The following FSTL4 variants were observed in gnomAD, a reference collection of about 807,000 sequenced individuals.
The protein encoded by FSTL4 is follistatin like 4, also known as follistatin-related protein 4.
A neutral mutation model predicts 78.2 loss-of-function variants in FSTL4; 28 were observed. The observed-to-expected ratio is 0.36, with a 90% confidence interval of 0.27 to 0.49. FSTL4 has a LOEUF of 0.49. Among genes scored for constraint, FSTL4 ranks in the 20% least tolerant of loss-of-function variants. FSTL4 has a pLI of 0.98. For synonymous variants in FSTL4, 422 were observed against 440.5 expected, an observed-to-expected ratio of 0.96 and a Z score of 0.53; for missense variants, 922 against 1,084.9, an observed-to-expected ratio of 0.85 and a Z score of 2.11.
intron 6 of FSTL4, among the ~76,000 whole-genome samples, chr5:133,268,937 T>A (rs1193260016): frequency 6.6e-6 from 1 of 151,282 alleles, no homozygotes; most frequent in Non-Finnish European, 1.5e-5. Context: ...ATCCCAGTAT[T>A]TTGGGAGGCC....
At chr5:133,805,259 G>T in the FSTL4 span, among the ~76,000 whole-genome samples, 2 of 152,012 alleles carry the variant, frequency 1.3e-5, no homozygotes, top group African/African-American at 4.8e-5. Flanking sequence ...CCCCTACTCT[G>T]CCAGGAGTCC....
chr5:133,512,831 T>C, intron 3 of FSTL4, among the ~76,000 whole-genome samples: 1 of 152,100 alleles, frequency 6.6e-6, no homozygotes, highest in East Asian at 1.9e-4. Flanking sequence ...TTCCTTTTTT[T>C]TTTTGAGACA....
At chr5:133,330,824 G>A (rs554976387) in intron 4 of FSTL4, among the ~76,000 whole-genome samples, 9 of 152,210 alleles carry the variant, frequency 5.9e-5, no homozygotes, top group Non-Finnish European at 1.2e-4. Context: ...CAAATCTGTG[G>A]CCTTACTTCT....
At chr5:133,537,817 C>CACAG (rs1554069413) in intron 3 of FSTL4, among the ~76,000 whole-genome samples, 1 of 151,054 alleles carries the variant, frequency 6.6e-6, no homozygotes, top group African/African-American at 2.4e-5. Flanking sequence ...CACACACACA[C>CACAG]AGAGACACAC....
chr5:133,580,660 G>C (rs1429519599), intron 2 of FSTL4, among the ~76,000 whole-genome samples: 1 of 152,170 alleles, frequency 6.6e-6, no homozygotes, highest in African/African-American at 2.4e-5. Flanking sequence ...CACTGGAGTA[G>C]GTCTCTACTT....
chr5:133,404,033 A>C (rs534387690), intron 3 of FSTL4, among the ~76,000 whole-genome samples: 57 of 152,326 alleles, frequency 3.7e-4, no homozygotes, highest in African/African-American at 1.3e-3. Flanking sequence ...GTGGCTGCTG[A>C]AGTTGTCAAG....
intron 3 of FSTL4, among the ~76,000 whole-genome samples, chr5:133,512,879 G>A (rs1003587995): frequency 7.2e-5 from 11 of 152,038 alleles, no homozygotes; most frequent in Non-Finnish European, 1.3e-4. Flanking sequence ...GTGCAGTGGC[G>A]TGATCTTGGC....
the FSTL4 span, among the ~76,000 whole-genome samples, chr5:133,769,594 C>A: frequency 6.6e-6 from 1 of 152,180 alleles, no homozygotes; most frequent in Non-Finnish European, 1.5e-5. Flanking sequence ...CTCTGCCCAA[C>A]ACAGCCATCT....
At chr5:133,580,800 G>T (rs967176080) in intron 2 of FSTL4, among the ~76,000 whole-genome samples, 11 of 152,190 alleles carry the variant, frequency 7.2e-5, no homozygotes, top group African/African-American at 9.7e-5. Context: ...ACTAGCAGGG[G>T]AAGCAGCGGA....
chr5:133,534,433 T>C (rs1759312106), intron 3 of FSTL4, among the ~76,000 whole-genome samples: 1 of 152,226 alleles, frequency 6.6e-6, no homozygotes, highest in Non-Finnish European at 1.5e-5. Context: ...TACATTTAAC[T>C]ACAGTAATGA....
chr5:133,375,291 CATAT>C lies in FSTL4; in HGVS notation c.409+25443_409+25446del, dbSNP rs3975738. Among the ~76,000 whole-genome samples the C allele has an allele frequency of 1.7e-4, 10 of 57,900 alleles. 1 individual carries two copies. Among genetic ancestry groups the C allele is most frequent in the Non-Finnish European group, 2.7e-4 (6 of 21,832 alleles). 38.0% of individuals were successfully genotyped at this position (57,900 alleles called of 152,430 possible). On this transcript the variant is annotated intron_variant, in intron 4 of 15. Transcript: ENST00000265342. ...AACCCAAAACATAGGGTGTGCATGGCATATATATATATATATATATAAAAGACTC... is the reference window on the plus strand; with the variant it reads ...AACCCAAAACATAGGGTGTGCATGGCATATATATATATATATAAAAGACTC...
At chr5:133,478,964 C>G in intron 3 of FSTL4, among the ~76,000 whole-genome samples, 1 of 152,158 alleles carries the variant, frequency 6.6e-6, no homozygotes, top group East Asian at 1.9e-4. Context: ...CCTCTCAAAT[C>G]TTTGCACATT....
chr5:133,715,144 T>C, the FSTL4 span, among the ~76,000 whole-genome samples: 567 of 152,344 alleles, frequency 3.7e-3, 2 homozygotes, highest in Non-Finnish European at 5.7e-3. Context: ...ATGAGCAGAT[T>C]CCCTAAATTA....
chr5:133,326,006 G>A (rs534546509), intron 4 of FSTL4, among the ~76,000 whole-genome samples: 10 of 152,216 alleles, frequency 6.6e-5, no homozygotes, highest in Non-Finnish European at 7.3e-5. Flanking sequence ...GTGCGGCTGC[G>A]TTACAGGGGC....
At chr5:133,699,540 G>A in the FSTL4 span, among the ~76,000 whole-genome samples, 52 of 152,198 alleles carry the variant, frequency 3.4e-4, no homozygotes, top group Admixed American at 5.9e-4. Flanking sequence ...TACTTCCCCA[G>A]GGAGTAGTGC....
At chr5:133,517,058 T>C (rs1455592384) in intron 3 of FSTL4, among the ~76,000 whole-genome samples, 59 of 147,948 alleles carry the variant, frequency 4.0e-4, no homozygotes, top group South Asian at 2.1e-4. Flanking sequence ...GCCTGGGAGA[T>C]AGAGTGAGAC....
the FSTL4 span, among the ~76,000 whole-genome samples, chr5:133,709,530 C>T: frequency 8.6e-3 from 1,310 of 152,384 alleles, 5 homozygotes; most frequent in Non-Finnish European, 0.013. Flanking sequence ...TGAAAAACAG[C>T]CATCAGCTGC....
At chr5:133,619,629 T>C in the FSTL4 span, among the ~76,000 whole-genome samples, 2 of 152,168 alleles carry the variant, frequency 1.3e-5, no homozygotes, top group Non-Finnish European at 2.9e-5. Flanking sequence ...CTGAGACATA[T>C]GGTAATTTTC....
At chr5:133,400,235 G>A (rs1756185755) in intron 4 of FSTL4, among the ~76,000 whole-genome samples, 2 of 152,188 alleles carry the variant, frequency 1.3e-5, no homozygotes, top group South Asian at 4.1e-4. Flanking sequence ...GCTCAGAGGT[G>A]TTCTGGACAG....
Sources: gnomAD v4.1 joint callset for allele counts (sites outside exome capture counted in the v4.1 genomes callset) on GRCh38, gnomAD v4.1.1 for gene constraint, MANE v1.5 for transcripts, NCBI Gene and HGNC (gene_info 2026-07-23, HGNC 2026-07-21) for gene names.